Variants in EXOC4 observed in about 807,000 individuals in gnomAD.
EXOC4 encodes exocyst complex component 4.
A neutral mutation model predicts 107.2 loss-of-function variants in EXOC4; 71 were observed. The ratio of observed to expected loss-of-function variants is 0.66; its 90% CI spans 0.55 to 0.81. The LOEUF (loss-of-function observed/expected upper bound fraction) is 0.81, where lower values mean the gene tolerates loss of function less well. EXOC4 is among the 30% of genes least tolerant of loss of function. The pLI is 0.00. For missense variants in EXOC4, 1,108 were observed against 1,189.6 expected (o/e 0.93, Z 1.01); for synonymous variants, 456 against 441.2 (o/e 1.03, Z -0.42).
In EXOC4 at chr7:133,961,280, C is replaced by CTTTTTTTTT. The variant is rs34400471; in HGVS notation, c.2206+23227_2206+23235dup. 1.2e-3 allele frequency among the ~76,000 whole-genome samples: 92 copies of CTTTTTTTTT among 77,016 alleles called. 7 individuals carry two copies. The highest frequency in any genetic ancestry group is 1.9e-3 in the South Asian group (3 of 1,548). The allele number at this position is 77,016 out of a possible 152,430, so 50.5% of individuals were successfully genotyped here. ...TTAAACCAATGAGACTCATGTCAAA[C>CTTTTTTTTT]TTTTTTTTTTTTTTTTTTTTTTTTG... On this transcript the variant is annotated intron_variant, in intron 14 of 17. Coordinates refer to ENST00000253861, the MANE Select transcript of EXOC4 (RefSeq NM_021807.4).
chr7:133,938,108 G>A, intron 14 of EXOC4, 39 bp downstream of exon 14: 2 of 1,599,844 alleles, frequency 1.3e-6, no homozygotes, highest in Non-Finnish European at 1.7e-6. Context: ...GGACAGTTGA[G>A]GAACTAGACT....
At chr7:133,507,233 G>A (rs753223599) in intron 9 of EXOC4, among the ~76,000 whole-genome samples, 2 of 151,908 alleles carry the variant, frequency 1.3e-5, no homozygotes, top group Non-Finnish European at 2.9e-5. Flanking sequence ...TACATTAGTC[G>A]ATATACCTAT....
intron 9 of EXOC4, among the ~76,000 whole-genome samples, chr7:133,571,377 A>G (rs1460607815): frequency 6.6e-6 from 1 of 152,186 alleles, no homozygotes; most frequent in Non-Finnish European, 1.5e-5. Context: ...AGTAATTTAT[A>G]AAAAAGAGAA....
rs554554836 is a variant in EXOC4 at position 133,620,566 on chromosome 7, G to A, written c.1418-9479G>A. Among the ~76,000 whole-genome samples the A allele has an allele frequency of 6.6e-5, 10 of 152,280 alleles. No individual in the cohort carries two copies. In the South Asian group the frequency reaches 2.1e-3, roughly 32 times the overall value. Reference sequence around the variant, plus strand: ...AGTAGAGATGCCCAAATGTTCATCTGCTGATAAATGGATAAATTAAATGTG... The same window carrying A: ...AGTAGAGATGCCCAAATGTTCATCTACTGATAAATGGATAAATTAAATGTG... On this transcript the variant is annotated intron_variant, in intron 9 of 17. Transcript: ENST00000253861.
chr7:133,994,830 T>C (rs1794350609), intron 14 of EXOC4, among the ~76,000 whole-genome samples: 1 of 151,782 alleles, frequency 6.6e-6, no homozygotes, highest in Non-Finnish European at 1.5e-5. Context: ...CCCAAGCAGA[T>C]TGTGTTAGCA....
chr7:133,370,566 T>G (rs908625446), intron 6 of EXOC4, among the ~76,000 whole-genome samples: 2 of 152,148 alleles, frequency 1.3e-5, no homozygotes, highest in African/African-American at 4.8e-5. Context: ...ATGAGGAATT[T>G]CCGTGTGGAC....
intron 11 of EXOC4, among the ~76,000 whole-genome samples, chr7:133,841,354 G>A (rs2151249256): frequency 6.6e-6 from 1 of 152,300 alleles, no homozygotes; most frequent in Admixed American, 6.5e-5. Context: ...TGTGAAGGGT[G>A]GTAAGCATTA....
chr7:133,777,286 AGAGAGAG>A (rs1562992920), intron 10 of EXOC4, among the ~76,000 whole-genome samples: 3,343 of 149,546 alleles, frequency 0.022, 55 homozygotes, highest in African/African-American at 0.026. Flanking sequence ...AGAAAGAGAG[AGAGAGAG>A]AGAGAGAGAG....
At chr7:133,789,578 G>C (rs142191993) in intron 10 of EXOC4, among the ~76,000 whole-genome samples, 1 of 152,138 alleles carries the variant, frequency 6.6e-6, no homozygotes, top group Non-Finnish European at 1.5e-5. Flanking sequence ...TTCTAGGCCC[G>C]TTGCTGATCC....
intron 3 of EXOC4, chr7:133,290,787 G>C (rs181471268): frequency 1.3e-5 from 2 of 151,908 alleles, no homozygotes; most frequent in African/African-American, 4.8e-5. Context: ...TAAATTCTTG[G>C]TTGTAAGTTA....
intron 9 of EXOC4, among the ~76,000 whole-genome samples, chr7:133,559,784 A>T (rs755715171): frequency 6.6e-6 from 1 of 151,818 alleles, no homozygotes; most frequent in Non-Finnish European, 1.5e-5. Context: ...CTCACTGTAC[A>T]CTTTTTCTGA....
chr7:133,445,318 G>C (rs1278171025), intron 7 of EXOC4, among the ~76,000 whole-genome samples: 1 of 152,154 alleles, frequency 6.6e-6, no homozygotes. Flanking sequence ...GTGCTTTATA[G>C]TTAACACACA....
At chr7:133,994,659 A>G (rs1794342264) in intron 14 of EXOC4, among the ~76,000 whole-genome samples, 1 of 152,188 alleles carries the variant, frequency 6.6e-6, no homozygotes, top group Non-Finnish European at 1.5e-5. Context: ...AAGCACTTAC[A>G]TATTTAAAGC....
chr7:133,271,356 G>A lies in EXOC4; in HGVS notation c.87-3626G>A, dbSNP rs189823982. On this transcript the variant is annotated intron_variant, in intron 1 of 17. Coordinates refer to ENST00000253861, the MANE Select transcript of EXOC4 (RefSeq NM_021807.4). ...CAGAACTTGGAAATAAATGTTCACC[G>A]CCTACCATTGCTTGGCATCATGCAT... Among the ~76,000 whole-genome samples the A allele has an allele frequency of 2.0e-4, 30 of 152,182 alleles. 1 individual carries two copies. The highest frequency in any genetic ancestry group is 1.8e-3 in the Admixed American group (28 of 15,290).
chr7:133,367,776 A>C (rs893727376), intron 6 of EXOC4, among the ~76,000 whole-genome samples: 1 of 152,190 alleles, frequency 6.6e-6, no homozygotes, highest in African/African-American at 2.4e-5. Context: ...GAAATGAGAT[A>C]ATCCAAGTAA....
chr7:133,547,928 T>C (rs1375702800), intron 9 of EXOC4, among the ~76,000 whole-genome samples: 1 of 152,092 alleles, frequency 6.6e-6, no homozygotes, highest in Non-Finnish European at 1.5e-5. Flanking sequence ...TGTAATGGCA[T>C]CTAGCATGGT....
chr7:133,401,610 T>A (rs1214981339), intron 7 of EXOC4, among the ~76,000 whole-genome samples: 1 of 150,702 alleles, frequency 6.6e-6, no homozygotes, highest in Non-Finnish European at 1.5e-5. Context: ...TGCAGTGAGC[T>A]ATGTTGCTGC....
At chr7:134,030,308 G>A (rs923981588) in intron 17 of EXOC4, among the ~76,000 whole-genome samples, 1 of 152,196 alleles carries the variant, frequency 6.6e-6, no homozygotes, top group Non-Finnish European at 1.5e-5. Context: ...ATTCATAATA[G>A]CCAAAAGGTA....
chr7:134,001,660 A>T (rs898114359), intron 15 of EXOC4, among the ~76,000 whole-genome samples: 1 of 152,172 alleles, frequency 6.6e-6, no homozygotes, highest in African/African-American at 2.4e-5. Context: ...ATACTGTGCC[A>T]GAGTGATCTT....
Sources: allele counts gnomAD v4.1 joint callset (sites outside exome capture counted in the v4.1 genomes callset), GRCh38; gene constraint gnomAD v4.1.1; transcripts MANE v1.5; gene names NCBI Gene and HGNC (gene_info 2026-07-23, HGNC 2026-07-21).